The following CEP112 variants were observed in gnomAD, a reference collection of about 807,000 sequenced individuals.
CEP112 encodes the protein centrosomal protein 112.
Under a neutral mutation model 153.0 loss-of-function variants are expected in CEP112, and 127 were observed. That is an observed-to-expected ratio of 0.83 (90% confidence interval 0.72 to 0.96). CEP112 has a LOEUF of 0.96. Among genes scored for constraint, CEP112 ranks in the 40% least tolerant of loss-of-function variants. The pLI, the probability that CEP112 is intolerant of heterozygous loss-of-function variation, is 0.00. For synonymous variants in CEP112, 358 were observed against 374.4 expected, an observed-to-expected ratio of 0.96 and a Z score of 0.51; for missense variants, 1,089 against 1,101.2, an observed-to-expected ratio of 0.99 and a Z score of 0.16.
intron 17 of CEP112, among the ~76,000 whole-genome samples, chr17:66,004,219 C>T (rs1307138596): frequency 2.6e-5 from 4 of 151,978 alleles, no homozygotes; most frequent in African/African-American, 7.3e-5. Context: ...TGGTGGCTCA[C>T]ACCTGTAATA....
At chr17:65,775,659 C>T (rs1310524507) in intron 21 of CEP112, among the ~76,000 whole-genome samples, 2 of 152,038 alleles carry the variant, frequency 1.3e-5, no homozygotes, top group Admixed American at 6.6e-5. Context: ...TGTGCCACCA[C>T]ACCCGGCTAA....
intron 21 of CEP112, among the ~76,000 whole-genome samples, chr17:65,755,432 G>A (rs1164049848): frequency 6.6e-6 from 1 of 152,084 alleles, no homozygotes; most frequent in African/African-American, 2.4e-5. Context: ...TCCAACACTG[G>A]GGATTACAAT....
intron 21 of CEP112, among the ~76,000 whole-genome samples, chr17:65,805,475 G>C (rs17695630): frequency 0.22 from 33,369 of 152,142 alleles, 3,773 homozygotes; most frequent in South Asian, 0.26. Flanking sequence ...TTATTGTAGG[G>C]AATCTTTTAT....
At chr17:66,036,153 T>C (rs1227343128) in intron 12 of CEP112, among the ~76,000 whole-genome samples, 9 of 152,166 alleles carry the variant, frequency 5.9e-5, no homozygotes, top group African/African-American at 1.9e-4. Context: ...ACAGGAAATA[T>C]CTGAAATAGT....
Position 66,053,787 on chromosome 17 carries a change from A to C in CEP112, c.1167T>G (p.Asn389Lys). 1 of 1,613,792 alleles carries C rather than the reference A, an allele frequency of 6.2e-7. No homozygotes were observed. The highest frequency in any genetic ancestry group is 8.5e-7 in the Non-Finnish European group (1 of 1,179,806). Reference sequence around the variant, plus strand: ...CACTCTCCATTTTATTCAGACGCACATTTGTATCCTCAAGCAATTCTTGAA... The same window carrying C: ...CACTCTCCATTTTATTCAGACGCACCTTTGTATCCTCAAGCAATTCTTGAA... ...ENIQELLEDT[N>K]VRLNKMESEY... Residue 389 changes from asparagine (N) to lysine (K), a missense_variant, in exon 12 of 27, where the codon AAT becomes AAG. Transcript: ENST00000535342.
chr17:66,091,483 C>G (rs1049553357), intron 8 of CEP112, among the ~76,000 whole-genome samples: 12 of 151,988 alleles, frequency 7.9e-5, no homozygotes, highest in African/African-American at 2.9e-4. Context: ...TTAAAAATAT[C>G]TACAGACAAA....
chr17:65,754,995 T>C lies in CEP112; in HGVS notation c.2395-4271A>G, dbSNP rs2052155041. ...GCGTGCTGGGCTTGATACCTAGGTA[T>C]GGGTTGGTCTGTGCAGCAAACCACC... On this transcript the variant is annotated intron_variant, in intron 21 of 26. Transcript: ENST00000535342. 3.9e-5 allele frequency among the ~76,000 whole-genome samples: 6 copies of C among 152,122 alleles called. No individual in the cohort carries two copies. The South Asian group carries it at 1.0e-3, about 26-fold the overall frequency.
chr17:66,116,955 C>T (rs1326483296), intron 6 of CEP112, among the ~76,000 whole-genome samples: 1 of 151,432 alleles, frequency 6.6e-6, no homozygotes, highest in Admixed American at 6.6e-5. Flanking sequence ...CAACCTCCGC[C>T]TCCTGGGTTC....
At chr17:65,745,624 T>C (rs895608327) in intron 22 of CEP112, among the ~76,000 whole-genome samples, 3 of 152,064 alleles carry the variant, frequency 2.0e-5, no homozygotes, top group African/African-American at 7.2e-5. Context: ...TTTGTAGAAG[T>C]GGGTTTAATT....
chr17:66,046,604 T>C lies in CEP112; in HGVS notation c.1218+7132A>G, dbSNP rs137909068. Among the ~76,000 whole-genome samples, 196 of 152,278 alleles carry C rather than the reference T, an allele frequency of 1.3e-3. 2 individuals are homozygous for C. The highest frequency in any genetic ancestry group is 4.5e-3 in the African/African-American group (186 of 41,556). ...TTTTTACCTATTTTGTGAGCTGAAT[T>C]GTGTCCTCCAAAAAGATATGTTGAA... On this transcript the variant is annotated intron_variant, in intron 12 of 26. Transcript: ENST00000535342.
intron 24 of CEP112, among the ~76,000 whole-genome samples, chr17:65,676,133 T>G (rs566630073): frequency 2.6e-5 from 4 of 152,210 alleles, no homozygotes; most frequent in African/African-American, 9.6e-5. Flanking sequence ...GGTCAGGAGT[T>G]TGAGACCAGT....
intron 24 of CEP112, among the ~76,000 whole-genome samples, chr17:65,684,172 G>A (rs991268118): frequency 2.0e-5 from 3 of 152,144 alleles, no homozygotes; most frequent in African/African-American, 7.2e-5. Flanking sequence ...ATTCATCTTC[G>A]TTTCTTCTCA....
At chr17:65,683,071 C>G (rs2047608585) in intron 24 of CEP112, among the ~76,000 whole-genome samples, 1 of 152,202 alleles carries the variant, frequency 6.6e-6, no homozygotes, top group Admixed American at 6.5e-5. Flanking sequence ...ACTTTTCCCA[C>G]TAGATCACGA....
intron 21 of CEP112, among the ~76,000 whole-genome samples, chr17:65,771,703 T>C (rs949534128): frequency 1.3e-5 from 2 of 152,094 alleles, no homozygotes; most frequent in Non-Finnish European, 2.9e-5. Flanking sequence ...GATAGACATA[T>C]ACTAATATTA....
intron 6 of CEP112, among the ~76,000 whole-genome samples, chr17:66,098,724 C>T (rs879740710): frequency 1.3e-5 from 2 of 152,162 alleles, no homozygotes; most frequent in Non-Finnish European, 2.9e-5. Flanking sequence ...AAATGTCTCT[C>T]CCCATCCTCC....
intron 17 of CEP112, among the ~76,000 whole-genome samples, chr17:65,986,722 A>G (rs1224912193): frequency 6.6e-6 from 1 of 152,160 alleles, no homozygotes; most frequent in Non-Finnish European, 1.5e-5. Flanking sequence ...AAGTTATAAA[A>G]AGATATATCA....
At chr17:66,087,433 A>ATT (rs1246239318) in intron 8 of CEP112, among the ~76,000 whole-genome samples, 2 of 152,232 alleles carry the variant, frequency 1.3e-5, no homozygotes, top group African/African-American at 4.8e-5. Context: ...TTTATAATTC[A>ATT]TGAATGACAA....
intron 16 of CEP112, among the ~76,000 whole-genome samples, chr17:66,008,983 A>G (rs746439624): frequency 1.3e-5 from 2 of 152,196 alleles, no homozygotes; most frequent in African/African-American, 4.8e-5. Context: ...TAGTGCTGCA[A>G]TGAACATAGG....
intron 8 of CEP112, among the ~76,000 whole-genome samples, chr17:66,088,511 C>G (rs1159414299): frequency 6.6e-6 from 1 of 151,792 alleles, no homozygotes; most frequent in Non-Finnish European, 1.5e-5. Context: ...TCCAGACATA[C>G]CCAATGTCAG....
Sources: allele counts gnomAD v4.1 joint callset (sites outside exome capture counted in the v4.1 genomes callset), GRCh38; gene constraint gnomAD v4.1.1; transcripts MANE v1.5; gene names NCBI Gene and HGNC (gene_info 2026-07-23, HGNC 2026-07-21).